Variants in MRAP2 observed in about 807,000 individuals in gnomAD.
The protein encoded by MRAP2 is melanocortin 2 receptor accessory protein 2.
A neutral mutation model predicts 17.4 loss-of-function variants in MRAP2; 20 were observed. The observed-to-expected ratio is 1.15, with a 90% confidence interval of 0.81 to 1.67. The LOEUF (loss-of-function observed/expected upper bound fraction) is 1.67. MRAP2 is among the 40% of genes most tolerant of loss of function. The pLI is 0.00. For missense variants in MRAP2, 238 were observed against 240.0 expected, an observed-to-expected ratio of 0.99 and a Z score of 0.05; for synonymous variants, 96 against 88.4, an observed-to-expected ratio of 1.09 and a Z score of -0.48.
At chr6:84,049,981 C>CGTGT (rs566111982) in intron 1 of MRAP2, among the ~76,000 whole-genome samples, 1 of 134,368 alleles carries the variant, frequency 7.4e-6, no homozygotes, top group African/African-American at 3.3e-5. Flanking sequence ...TGCGTGCATT[C>CGTGT]ATGTGTGTGT....
chr6:84,130,539 G>C, the MRAP2 span, among the ~76,000 whole-genome samples: 1 of 152,148 alleles, frequency 6.6e-6, no homozygotes, highest in South Asian at 2.1e-4. Context: ...TTCAGAACTT[G>C]TTATTGGTCT....
chr6:84,057,462 C>T (rs2099491978), intron 2 of MRAP2, among the ~76,000 whole-genome samples: 1 of 152,190 alleles, frequency 6.6e-6, no homozygotes, highest in South Asian at 2.1e-4. Context: ...AAGATTCCTA[C>T]CTTCAAAGGG....
chr6:84,086,957 A>G (rs1288737831), intron 3 of MRAP2, among the ~76,000 whole-genome samples: 1 of 152,170 alleles, frequency 6.6e-6, no homozygotes, highest in Non-Finnish European at 1.5e-5. Context: ...CAGAAAAGCT[A>G]TTTCTCAGAG....
the MRAP2 span, chr6:84,125,321 T>C: frequency 3.3e-6 from 5 of 1,526,914 alleles, no homozygotes; most frequent in Non-Finnish European, 4.5e-6. Flanking sequence ...TTCATAGTGG[T>C]GGGTGAGGAA....
the MRAP2 span, among the ~76,000 whole-genome samples, chr6:84,144,426 C>T: frequency 6.6e-6 from 1 of 151,988 alleles, no homozygotes; most frequent in Non-Finnish European, 1.5e-5. Flanking sequence ...ATATCAAGTG[C>T]ATTATAATGA....
Position 84,080,706 on chromosome 6 carries a change from G to A in MRAP2, c.228-8385G>A, listed in dbSNP as rs372362200. On this transcript the variant is annotated intron_variant, in intron 3 of 3. Transcript: ENST00000257776. Reference sequence around the variant, plus strand: ...GTCCAGCATTATTCTGTTAGGAGTTGTACTTCTGAAGAATTTTAACAAGTA... The same window carrying A: ...GTCCAGCATTATTCTGTTAGGAGTTATACTTCTGAAGAATTTTAACAAGTA... Among the ~76,000 whole-genome samples the A allele has an allele frequency of 7.5e-4, 115 of 152,322 alleles. 1 individual carries two copies. In the South Asian group the frequency reaches 0.022, roughly 29 times the overall value.
At chr6:84,036,176 A>G (rs746256134) in intron 1 of MRAP2, among the ~76,000 whole-genome samples, 44 of 151,956 alleles carry the variant, frequency 2.9e-4, no homozygotes, top group Middle Eastern at 6.8e-3. Context: ...CCTAAATGAA[A>G]TATCAAGGTA....
chr6:84,125,987 T>A, the MRAP2 span, among the ~76,000 whole-genome samples: 29 of 152,196 alleles, frequency 1.9e-4, no homozygotes, highest in Admixed American at 1.6e-3. Flanking sequence ...TAATTAAGTA[T>A]AGTAATATTA....
chr6:84,059,393 C>G (rs2129166297), intron 2 of MRAP2, among the ~76,000 whole-genome samples: 1 of 152,326 alleles, frequency 6.6e-6, no homozygotes, highest in South Asian at 2.1e-4. Context: ...AGAATTGGCC[C>G]TACTGCCTTA....
chr6:84,056,237 A>AGTGG (rs1271406882), intron 2 of MRAP2, among the ~76,000 whole-genome samples: 1 of 152,232 alleles, frequency 6.6e-6, no homozygotes, highest in African/African-American at 2.4e-5. Flanking sequence ...GGTCCAGGTT[A>AGTGG]GTGGGACACA....
the MRAP2 span, among the ~76,000 whole-genome samples, chr6:84,126,772 G>GA: frequency 3.9e-5 from 6 of 152,118 alleles, no homozygotes; most frequent in Non-Finnish European, 8.8e-5. Context: ...TAAAGGAGCT[G>GA]AAAATGAAGT....
intron 2 of MRAP2, chr6:84,062,470 T>C (rs565200117): frequency 1.1e-6 from 1 of 901,708 alleles, no homozygotes; most frequent in Non-Finnish European, 1.3e-6. Context: ...CCTTGCACAG[T>C]TAATATCTGT....
intron 1 of MRAP2, among the ~76,000 whole-genome samples, chr6:84,037,936 A>G (rs1004853923): frequency 6.6e-6 from 1 of 152,196 alleles, no homozygotes; most frequent in African/African-American, 2.4e-5. Flanking sequence ...GCCGGAGCAG[A>G]CACTGCTGAG....
the MRAP2 span, among the ~76,000 whole-genome samples, chr6:84,119,419 G>A: frequency 6.6e-6 from 1 of 152,134 alleles, no homozygotes; most frequent in East Asian, 1.9e-4. Context: ...CTGTCAGCCT[G>A]GAAGTTTGCT....
rs1291164742 is a variant in MRAP2 at position 84,088,992 on chromosome 6, A to G, written c.228-99A>G. 4.6e-6 allele frequency: 6 copies of G among 1,317,612 alleles called. No individual in the cohort carries two copies. In the African/African-American group the frequency reaches 8.9e-5, roughly 20 times the overall value. The allele number at this position is 1,317,612 out of a possible 1,614,324, so 81.6% of individuals were successfully genotyped here. A position where few individuals can be genotyped will look rare whatever the true frequency, so the allele number is the denominator to read the frequency against. ...AGGGGCTTACACTCAATAGGTGCTT[A>G]GTGGAAATGTGCTGGCCTGCCCTAC... On this transcript the variant is annotated intron_variant, in intron 3 of 3. Transcript: ENST00000257776.
At chr6:84,135,137 T>C in the MRAP2 span, among the ~76,000 whole-genome samples, 5 of 152,204 alleles carry the variant, frequency 3.3e-5, no homozygotes, top group Non-Finnish European at 7.3e-5. Flanking sequence ...AGTGGGATTA[T>C]AGTGATTTTA....
At chr6:84,092,886 G>A (rs532764030), downstream of MRAP2, among the ~76,000 whole-genome samples, 5 of 152,226 alleles carry the variant, frequency 3.3e-5, no homozygotes, top group African/African-American at 7.2e-5. Context: ...CCAAAAAGGA[G>A]AAAATGGAAG....
Position 84,063,989 on chromosome 6 carries a change from G to A in MRAP2, c.227+997G>A, listed in dbSNP as rs746186256. Among the ~76,000 whole-genome samples the A allele has an allele frequency of 5.9e-4, 89 of 151,852 alleles. No homozygotes were observed. The Middle Eastern group carries it at 0.017, about 29-fold the overall frequency. ...GAACCTGGGAGGTGGAGGTTGCAGT[G>A]AGCCAAGGTCACACCACCGCACTCC... On this transcript the variant is annotated intron_variant, in intron 3 of 3. Transcript: ENST00000257776.
intron 3 of MRAP2, among the ~76,000 whole-genome samples, chr6:84,088,274 T>G (rs1259090383): frequency 6.6e-6 from 1 of 152,244 alleles, no homozygotes; most frequent in Admixed American, 6.5e-5. Context: ...TTAAAGTAGA[T>G]GGAGTATCAG....
Sources: allele counts gnomAD v4.1 joint callset (sites outside exome capture counted in the v4.1 genomes callset), GRCh38; gene constraint gnomAD v4.1.1; transcripts MANE v1.5; gene names NCBI Gene and HGNC (gene_info 2026-07-23, HGNC 2026-07-21).